The following ATP2B1 variants were observed in gnomAD, a reference collection of about 807,000 sequenced individuals.
ATP2B1 encodes the protein plasma membrane calcium-transporting ATPase 1.
ATP2B1 carries 14 observed loss-of-function variants against 124.2 expected under a neutral mutation model. That is an observed-to-expected ratio of 0.11 (90% CI 0.07 to 0.18). The LOEUF (loss-of-function observed/expected upper bound fraction) is 0.18. Among genes scored for constraint, ATP2B1 ranks in the 10% least tolerant of loss-of-function variants. The probability of loss-of-function intolerance (pLI) is 1.00; values close to 1 mark genes in which losing one functional copy is unlikely to be tolerated. For missense variants in ATP2B1, 763 were observed against 1,466.1 expected (o/e 0.52, Z 7.83); for synonymous variants, 449 against 492.4 (o/e 0.91, Z 1.17).
intron 2 of ATP2B1, among the ~76,000 whole-genome samples, chr12:89,650,108 T>G (rs553003853): frequency 2.6e-5 from 4 of 152,132 alleles, no homozygotes; most frequent in Non-Finnish European, 5.9e-5. Flanking sequence ...CTGCCTCAGG[T>G]ATTTCTTTAT....
intron 2 of ATP2B1, among the ~76,000 whole-genome samples, chr12:89,655,231 T>C (rs1239938689): frequency 6.6e-6 from 1 of 152,170 alleles, no homozygotes; most frequent in Non-Finnish European, 1.5e-5. Context: ...CTGAGCTAAT[T>C]ATTAAAGGTT....
chr12:89,603,551 C>A lies in ATP2B1; in HGVS notation c.2848+161G>T, dbSNP rs1239053281. On this transcript the variant is annotated intron_variant, in intron 17 of 20. Transcript: ENST00000428670. The surrounding 1 kb of genome is among the most constrained non-coding windows in gnomAD (Gnocchi z 4.3). The stretch of plus-strand genomic sequence containing the variant: ...TCTACTATCTAGCTTATTGTCCTCC[C>A]AAATTTACTAAGCACTCACTGATTA... 5.2e-6 allele frequency: 4 copies of A among 762,362 alleles called. No individual in the cohort carries two copies. Among genetic ancestry groups the A allele is most frequent in the Non-Finnish European group, 8.3e-6 (4 of 482,790 alleles). 47.2% of individuals were successfully genotyped at this position (762,362 alleles called of 1,614,324 possible). A position where few individuals can be genotyped will look rare whatever the true frequency, so the allele number is the denominator to read the frequency against.
At chr12:89,701,126 C>T (rs954796988) in intron 1 of ATP2B1, among the ~76,000 whole-genome samples, 6 of 152,106 alleles carry the variant, frequency 3.9e-5, no homozygotes, top group Admixed American at 6.5e-5. Flanking sequence ...GACCATATAC[C>T]TACTCTTCTT....
At chr12:89,698,532 A>C (rs1467460039) in intron 1 of ATP2B1, among the ~76,000 whole-genome samples, 1 of 152,132 alleles carries the variant, frequency 6.6e-6, no homozygotes, top group Non-Finnish European at 1.5e-5. Context: ...AATTTAGGGG[A>C]ATGATTACCT....
chr12:89,681,667 C>T (rs1459530034), intron 1 of ATP2B1, among the ~76,000 whole-genome samples: 5 of 152,088 alleles, frequency 3.3e-5, no homozygotes, highest in African/African-American at 1.2e-4. Context: ...TGCAAATAGT[C>T]TCCAAATGGC....
At chr12:89,610,343 C>T (rs1260531482) in intron 14 of ATP2B1, 78 bp downstream of exon 14, 208 of 1,174,742 alleles carry the variant, frequency 1.8e-4, no homozygotes, top group Non-Finnish European at 7.1e-5. Context: ...ATCTAATATT[C>T]AGTATCTATT....
chr12:89,627,808 T>G, intron 6 of ATP2B1, 92 bp from the exon 7 acceptor site: 1 of 1,342,736 alleles, frequency 7.4e-7, no homozygotes, highest in Non-Finnish European at 1.1e-6. Flanking sequence ...TCTATAACAG[T>G]TGTTACACAA....
chr12:89,643,729 T>C (rs111337717), intron 2 of ATP2B1, among the ~76,000 whole-genome samples: 6,081 of 152,332 alleles, frequency 0.04, 181 homozygotes, highest in South Asian at 0.094. Context: ...TGTACACATG[T>C]ACATTATTGT....
chr12:89,603,691 T>C lies in ATP2B1; in HGVS notation c.2848+21A>G. 1.3e-6 allele frequency: 2 copies of C among 1,598,084 alleles called. No individual in the cohort carries two copies. The highest frequency in any genetic ancestry group is 1.7e-5 in the Admixed American group (1 of 59,964). On this transcript the variant is annotated intron_variant, in intron 17 of 20. Transcript: ENST00000428670. This position sits in a 1 kb window ranked among gnomAD's most constrained non-coding sequence, Gnocchi z 4.3. ...GAAAAGAAACAATTAACTGAAGCTTTATTAGACACTGAATTCTTACCAGCA... is the reference window on the plus strand; with the variant it reads ...GAAAAGAAACAATTAACTGAAGCTTCATTAGACACTGAATTCTTACCAGCA...
At chr12:89,630,219 T>G (rs1313924243) in intron 6 of ATP2B1, among the ~76,000 whole-genome samples, 1 of 152,128 alleles carries the variant, frequency 6.6e-6, no homozygotes, top group African/African-American at 2.4e-5. Flanking sequence ...AAATCCGCCG[T>G]GAGAGTTCAA....
intron 6 of ATP2B1, among the ~76,000 whole-genome samples, chr12:89,629,652 C>CAGTT (rs955099833): frequency 2.6e-5 from 4 of 152,180 alleles, no homozygotes; most frequent in African/African-American, 9.7e-5. Context: ...TTTAGCCAGG[C>CAGTT]AGTTATTTTA....
At chr12:89,631,867 T>C (rs1881919852) in intron 5 of ATP2B1, among the ~76,000 whole-genome samples, 2 of 151,704 alleles carry the variant, frequency 1.3e-5, no homozygotes. Flanking sequence ...CTGGTCTCCA[T>C]AATTGTCTCC....
At chr12:89,602,427 T>C (rs952346919) in intron 18 of ATP2B1, among the ~76,000 whole-genome samples, 15 of 152,180 alleles carry the variant, frequency 9.9e-5, no homozygotes, top group Non-Finnish European at 1.9e-4. Context: ...AAAGTTACAA[T>C]TCCTTTCTTT....
At chr12:89,631,536 T>C (rs965390384) in intron 5 of ATP2B1, among the ~76,000 whole-genome samples, 2 of 152,166 alleles carry the variant, frequency 1.3e-5, no homozygotes, top group African/African-American at 4.8e-5. Flanking sequence ...CTGAAATCCA[T>C]TTTAATCTTC....
At chr12:89,672,086 T>C (rs1888065720) in intron 1 of ATP2B1, among the ~76,000 whole-genome samples, 1 of 152,174 alleles carries the variant, frequency 6.6e-6, no homozygotes, top group Non-Finnish European at 1.5e-5. Flanking sequence ...AAATTCTAAT[T>C]CTGACTCTGC....
intron 2 of ATP2B1, among the ~76,000 whole-genome samples, chr12:89,643,325 C>G (rs752497930): frequency 6.6e-6 from 1 of 151,404 alleles, no homozygotes; most frequent in East Asian, 1.9e-4. Flanking sequence ...GTTATTGCAC[C>G]CTGGACAACT....
intron 1 of ATP2B1, among the ~76,000 whole-genome samples, chr12:89,687,411 T>C (rs7136259): frequency 0.59 from 89,099 of 151,952 alleles, 26,580 homozygotes; most frequent in Admixed American, 0.68. Context: ...CTGTGTGAAT[T>C]TGCACAATAA....
chr12:89,644,309 T>G (rs1413631203), intron 2 of ATP2B1, among the ~76,000 whole-genome samples: 2 of 152,176 alleles, frequency 1.3e-5, no homozygotes, highest in African/African-American at 4.8e-5. Flanking sequence ...GCTCTCAGCT[T>G]TAAGTGCTTT....
chr12:89,642,141 T>C lies in ATP2B1; in HGVS notation c.406+17A>G, dbSNP rs908104510. The C allele has an allele frequency of 8.2e-6, 13 of 1,594,168 alleles. No homozygotes were observed. Among genetic ancestry groups the C allele is most frequent in the East Asian group, 6.7e-5 (3 of 44,718 alleles). On this transcript the variant is annotated intron_variant, in intron 3 of 20. Transcript: ENST00000428670. Reference sequence around the variant, plus strand: ...GAACTAGCATCAGACATGTCTTTTTTCCCCCCATTTACTTACGTGCATTAT... The same window carrying C: ...GAACTAGCATCAGACATGTCTTTTTCCCCCCCATTTACTTACGTGCATTAT...
Sources: gnomAD v4.1 joint callset for allele counts (sites outside exome capture counted in the v4.1 genomes callset) on GRCh38, gnomAD v4.1.1 for gene constraint, Gnocchi (gnomAD v3.1) non-coding constraint, MANE v1.5 for transcripts, NCBI Gene and HGNC (gene_info 2026-07-23, HGNC 2026-07-21) for gene names.